ASTN2: variants seen among roughly 807,000 people sequenced by gnomAD.
ASTN2 encodes astrotactin 2.
ASTN2 carries 54 observed loss-of-function variants against 139.8 expected under a neutral mutation model. The ratio of observed to expected loss-of-function variants is 0.39; its 90% confidence interval spans 0.31 to 0.48. The LOEUF is 0.48. Among genes scored for constraint, ASTN2 ranks in the 20% least tolerant of loss-of-function variants. ASTN2 has a pLI of 0.95. For missense variants in ASTN2, 1,565 were observed against 1,725.1 expected (o/e 0.91, Z 1.64); for synonymous variants, 756 against 719.5 (o/e 1.05, Z -0.81).
chr9:116,609,328 C>CTATATATA (rs1554720155), intron 19 of ASTN2, among the ~76,000 whole-genome samples: 44 of 122,524 alleles, frequency 3.6e-4, no homozygotes, highest in African/African-American at 1.1e-3. Context: ...CTCTCTCTCT[C>CTATATATA]TATATATATA....
chr9:116,557,927 TAA>T (rs1852716424), intron 19 of ASTN2, among the ~76,000 whole-genome samples: 1 of 152,198 alleles, frequency 6.6e-6, no homozygotes, highest in African/African-American at 2.4e-5. Context: ...TGCCCAGTTC[TAA>T]GAGACTGTAA....
chr9:116,908,030 G>C (rs1218261022), intron 10 of ASTN2, among the ~76,000 whole-genome samples: 1 of 152,160 alleles, frequency 6.6e-6, no homozygotes, highest in Non-Finnish European at 1.5e-5. Context: ...CACATTTTGA[G>C]AGGCAGGATC....
chr9:116,461,162 A>G (rs939457169), intron 20 of ASTN2, among the ~76,000 whole-genome samples: 2 of 151,774 alleles, frequency 1.3e-5, no homozygotes, highest in Admixed American at 6.6e-5. Context: ...TTTCAAATAC[A>G]ATTTACCCAG....
intron 2 of ASTN2, among the ~76,000 whole-genome samples, chr9:117,230,116 T>TA (rs11336686): frequency 9.4e-4 from 131 of 138,668 alleles, no homozygotes; most frequent in East Asian, 6.2e-3. Flanking sequence ...GACTCTATCT[T>TA]AAAAAAAAAA....
chr9:116,572,946 C>T (rs1302607421), intron 19 of ASTN2, among the ~76,000 whole-genome samples: 1 of 151,894 alleles, frequency 6.6e-6, no homozygotes, highest in East Asian at 1.9e-4. Flanking sequence ...CTCTGACAGC[C>T]TCAAGAGGAA....
At chr9:117,029,488 G>T (rs534538160) in intron 6 of ASTN2, among the ~76,000 whole-genome samples, 6 of 151,938 alleles carry the variant, frequency 3.9e-5, no homozygotes, top group Non-Finnish European at 7.4e-5. Flanking sequence ...TGTGCCCATC[G>T]GTGTCTCCAC....
At position 116,737,380 on chromosome 9, in the gene ASTN2, G is replaced by A. The variant is rs558973296; in HGVS notation, c.2397-3857C>T. Among the ~76,000 whole-genome samples, 4 of 152,302 alleles carry A rather than the reference G, an allele frequency of 2.6e-5. No homozygotes were observed. In the East Asian group the frequency reaches 7.7e-4, roughly 29 times the overall value. On this transcript the variant is annotated intron_variant, in intron 13 of 22. Coordinates refer to ENST00000313400, the MANE Select transcript of ASTN2 (RefSeq NM_001365068.1). ...CTGCAGAACCCACCCACCTGGGAGAGGCGACCAGGGAGCTGGCAGGGTGCT... is the reference window on the plus strand; with the variant it reads ...CTGCAGAACCCACCCACCTGGGAGAAGCGACCAGGGAGCTGGCAGGGTGCT...
chr9:116,618,523 G>T, intron 18 of ASTN2, 51 bp from the exon 19 acceptor site: 1 of 1,554,202 alleles, frequency 6.4e-7, no homozygotes, highest in South Asian at 1.2e-5. Context: ...CACCAGCTGG[G>T]GCCCAAAAGA....
intron 4 of ASTN2, among the ~76,000 whole-genome samples, chr9:117,127,744 G>A (rs887814294): frequency 3.3e-4 from 42 of 127,928 alleles, no homozygotes; most frequent in African/African-American, 1.2e-3. Context: ...GCAGTGGCAC[G>A]ATCTTGGCTC....
At chr9:116,865,958 A>G (rs750610409) in intron 10 of ASTN2, among the ~76,000 whole-genome samples, 4 of 152,226 alleles carry the variant, frequency 2.6e-5, no homozygotes, top group Non-Finnish European at 5.9e-5. Flanking sequence ...TACAGCAGTG[A>G]CATCAGGCAA....
intron 3 of ASTN2, among the ~76,000 whole-genome samples, chr9:117,209,096 A>G (rs1832033274): frequency 1.3e-5 from 2 of 152,200 alleles, no homozygotes; most frequent in Non-Finnish European, 2.9e-5. Flanking sequence ...CCTTATCACT[A>G]CAGAAAACCA....
At chr9:117,091,821 A>G (rs1828713897) in intron 5 of ASTN2, among the ~76,000 whole-genome samples, 1 of 152,176 alleles carries the variant, frequency 6.6e-6, no homozygotes, top group Admixed American at 6.5e-5. Flanking sequence ...TTCTAAGAGG[A>G]GAAACAACAT....
chr9:117,313,052 A>G (rs1828027414), intron 1 of ASTN2, among the ~76,000 whole-genome samples: 2 of 152,170 alleles, frequency 1.3e-5, no homozygotes, highest in South Asian at 4.1e-4. Context: ...CTAATGCTTG[A>G]CAAAGGAAAT....
At position 116,908,177 on chromosome 9, in the gene ASTN2, T is replaced by C. The variant is rs971729461; in HGVS notation, c.1890-44444A>G. Among the ~76,000 whole-genome samples the C allele has an allele frequency of 5.3e-5, 8 of 152,268 alleles. No individual in the cohort carries two copies. In the East Asian group the frequency reaches 1.5e-3, roughly 29 times the overall value. Reference sequence around the variant, plus strand: ...CACATATCTTCTAGGTTAACAAATTTGAGTCAACATTTTCAGAAAGGGAGA... The same window carrying C: ...CACATATCTTCTAGGTTAACAAATTCGAGTCAACATTTTCAGAAAGGGAGA... On this transcript the variant is annotated intron_variant, in intron 10 of 22. Coordinates refer to ENST00000313400, the MANE Select transcript of ASTN2 (RefSeq NM_001365068.1).
At chr9:116,741,090 G>A (rs1407057973) in intron 13 of ASTN2, among the ~76,000 whole-genome samples, 3 of 152,084 alleles carry the variant, frequency 2.0e-5, no homozygotes, top group Non-Finnish European at 2.9e-5. Context: ...AGACAAACAA[G>A]GGAAGCTGGA....
At chr9:117,413,159 G>A (rs1270480536) in intron 1 of ASTN2, among the ~76,000 whole-genome samples, 2 of 152,252 alleles carry the variant, frequency 1.3e-5, no homozygotes, top group African/African-American at 4.8e-5. Context: ...AATCCCCAGA[G>A]GTGGTAGCAT....
chr9:116,765,979 A>T (rs894426977), intron 13 of ASTN2, among the ~76,000 whole-genome samples: 6 of 152,114 alleles, frequency 3.9e-5, no homozygotes, highest in African/African-American at 1.4e-4. Context: ...TTGGGCAAAT[A>T]ATTTTCTCTT....
At chr9:117,115,821 C>T (rs980308524) in intron 4 of ASTN2, among the ~76,000 whole-genome samples, 14 of 151,800 alleles carry the variant, frequency 9.2e-5, no homozygotes, top group African/African-American at 3.4e-4. Flanking sequence ...GTCAGGAGAT[C>T]GAAACTATCC....
In ASTN2 at chr9:116,644,809, T is replaced by C. The variant is rs529871346; in HGVS notation, c.3072+6719A>G. Among the ~76,000 whole-genome samples, 4 of 152,316 alleles carry C rather than the reference T, an allele frequency of 2.6e-5. No homozygotes were observed. The East Asian group carries it at 7.7e-4, about 29-fold the overall frequency. ...GGGAAACAAATTTCAGGTCACAGGA[T>C]GCCTCTTCCAACCTCAAAAGATTTG... On this transcript the variant is annotated intron_variant, in intron 17 of 22. Transcript: ENST00000313400.
Sources: gnomAD v4.1 joint callset for allele counts (sites outside exome capture counted in the v4.1 genomes callset) on GRCh38, gnomAD v4.1.1 for gene constraint, MANE v1.5 for transcripts, NCBI Gene and HGNC (gene_info 2026-07-23, HGNC 2026-07-21) for gene names.